Variants in TEX11 observed in about 807,000 individuals in gnomAD.
TEX11 encodes the protein testis-expressed protein 11.
Under a neutral mutation model 84.4 loss-of-function variants are expected in TEX11, and 7 were observed. The observed-to-expected ratio is 0.08, with a 90% CI of 0.05 to 0.16. TEX11 has a LOEUF of 0.16. Ranked by LOEUF, TEX11 falls within the 10% of genes least tolerant of loss-of-function variation. TEX11 has a pLI of 1.00. For synonymous variants in TEX11, 264 were observed against 222.8 expected (o/e 1.18, Z -1.64); for missense variants, 551 against 660.5 (o/e 0.83, Z 1.82).
chrX:70,844,556 A>T (rs946798781), intron 7 of TEX11, among the ~76,000 whole-genome samples: 2 of 109,223 alleles, frequency 1.8e-5, no homozygotes, highest in African/African-American at 6.6e-5. Flanking sequence ...GCACATGTAC[A>T]CATATGTAAC....
chrX:70,667,746 T>C (rs1232400658), intron 16 of TEX11, among the ~76,000 whole-genome samples: 3 of 110,391 alleles, frequency 2.7e-5, no homozygotes, highest in African/African-American at 9.9e-5. Context: ...GCCAAAAAGG[T>C]GAAACCCTGT....
At chrX:70,702,740 C>T (rs774757207) in intron 13 of TEX11, among the ~76,000 whole-genome samples, 93 of 111,684 alleles carry the variant, frequency 8.3e-4, no homozygotes, top group African/African-American at 2.9e-3. Flanking sequence ...ATTAATCTGT[C>T]GTCCATCTCT....
chrX:70,858,835 C>T (rs2091552274), intron 5 of TEX11, among the ~76,000 whole-genome samples: 1 of 111,006 alleles, frequency 9.0e-6, no homozygotes, highest in Non-Finnish European at 1.9e-5. Context: ...CTCAGGAGTT[C>T]GTGACCAGCC....
At chrX:70,716,632 A>G (rs1405649459) in intron 13 of TEX11, among the ~76,000 whole-genome samples, 1 of 112,436 alleles carries the variant, frequency 8.9e-6, no homozygotes. Flanking sequence ...TGCTAATACC[A>G]TTGGAAAAGC....
intron 13 of TEX11, among the ~76,000 whole-genome samples, chrX:70,692,006 C>T (rs941627102): frequency 4.5e-5 from 5 of 110,846 alleles, no homozygotes; most frequent in Non-Finnish European, 9.5e-5. Context: ...AAGAAACTTA[C>T]TTCAAAAAAA....
intron 28 of TEX11, among the ~76,000 whole-genome samples, chrX:70,532,495 G>A (rs2087900844): frequency 8.9e-6 from 1 of 112,378 alleles, no homozygotes; most frequent in African/African-American, 3.2e-5. Context: ...CAGCACTTTG[G>A]GAGGCCAAGG....
At chrX:70,828,904 T>G (rs940219482) in intron 8 of TEX11, among the ~76,000 whole-genome samples, 1 of 111,365 alleles carries the variant, frequency 9.0e-6, no homozygotes, top group African/African-American at 3.3e-5. Context: ...AGCCAACTTA[T>G]CAGCAGAAAC....
intron 20 of TEX11, among the ~76,000 whole-genome samples, chrX:70,615,603 T>G (rs1190983705): frequency 8.9e-6 from 1 of 111,945 alleles, no homozygotes; most frequent in Non-Finnish European, 1.9e-5. Flanking sequence ...GAAAGTGACA[T>G]GGGTAGAAAG....
intron 7 of TEX11, among the ~76,000 whole-genome samples, chrX:70,848,602 T>C (rs2091491385): frequency 9.0e-6 from 1 of 111,667 alleles, no homozygotes; most frequent in South Asian, 3.8e-4. Context: ...AAAGGAATAA[T>C]AGGGGGAGAG....
intron 22 of TEX11, among the ~76,000 whole-genome samples, chrX:70,607,977 T>G (rs2089214400): frequency 8.9e-6 from 1 of 112,413 alleles, no homozygotes; most frequent in Admixed American, 9.4e-5. Context: ...CTATTAAACC[T>G]CATAACACAG....
rs2091616535 is a variant in TEX11, at chrX:70,869,092, TAAAATAAAATAAAATAAAATAAAAC to T, written c.244+4106_244+4130del. ...TAAAATAAAATAAAATAAAATAAAA[TAAAATAAAATAAAATAAAATAAAAC>T]AAAATAAAATAAAGAAAAGAAAAAG... On this transcript the variant is annotated intron_variant, in intron 4 of 29. Coordinates refer to ENST00000374333, the MANE Select transcript of TEX11 (RefSeq NM_031276.3). Among the ~76,000 whole-genome samples, 4 of 96,872 alleles carry T rather than the reference TAAAATAAAATAAAATAAAATAAAAC, an allele frequency of 4.1e-5. 1 individual carries two copies. Among genetic ancestry groups the T allele is most frequent in the East Asian group, 3.3e-4 (1 of 3,003 alleles). The allele number at this position is 96,872 out of a possible 115,157, so 84.1% of individuals were successfully genotyped here. A position where few individuals can be genotyped will look rare whatever the true frequency, so the allele number is the denominator to read the frequency against.
At chrX:70,700,184 T>C (rs1283690954) in intron 13 of TEX11, among the ~76,000 whole-genome samples, 1 of 111,506 alleles carries the variant, frequency 9.0e-6, no homozygotes, top group Non-Finnish European at 1.9e-5. Context: ...GCTGTGATCA[T>C]AGCTCACTGC....
At chrX:70,619,348 A>G (rs1464352774) in intron 20 of TEX11, among the ~76,000 whole-genome samples, 2 of 111,738 alleles carry the variant, frequency 1.8e-5, no homozygotes, top group South Asian at 3.8e-4. Flanking sequence ...CTTAATGGTC[A>G]AGATAGTCCA....
chrX:70,691,528 G>A (rs988751455), intron 13 of TEX11, among the ~76,000 whole-genome samples: 10 of 111,224 alleles, frequency 9.0e-5, no homozygotes, highest in Admixed American at 9.6e-5. Context: ...GAATAAACGC[G>A]GAGGACACTA....
At chrX:70,744,785 A>G (rs1037419152) in intron 9 of TEX11, among the ~76,000 whole-genome samples, 1 of 109,987 alleles carries the variant, frequency 9.1e-6, no homozygotes, top group Non-Finnish European at 1.9e-5. Context: ...ATCTTGACTC[A>G]TTGCAACCTC....
At chrX:70,515,090 CACACACAG>C in the TEX11 span, among the ~76,000 whole-genome samples, 14,682 of 107,014 alleles carry the variant, frequency 0.14, 2,006 homozygotes, top group African/African-American at 0.45. Flanking sequence ...CACACACACA[CACACACAG>C]AAAGAAGGAC....
chrX:70,620,119 C>T (rs776727797), intron 20 of TEX11, among the ~76,000 whole-genome samples: 4 of 111,271 alleles, frequency 3.6e-5, no homozygotes, highest in East Asian at 5.6e-4. Flanking sequence ...CCACAATGCC[C>T]GGCCATGTGC....
intron 11 of TEX11, among the ~76,000 whole-genome samples, chrX:70,740,368 A>T (rs1470208882): frequency 9.0e-6 from 1 of 111,087 alleles, no homozygotes; most frequent in Non-Finnish European, 1.9e-5. Context: ...GACCTCTTTT[A>T]TAAGGGCAGT....
chrX:70,864,556 T>C (rs1197633919), intron 4 of TEX11, among the ~76,000 whole-genome samples: 1 of 106,181 alleles, frequency 9.4e-6, no homozygotes, highest in Non-Finnish European at 1.9e-5. Context: ...GCGAATACAG[T>C]GAAACCCTTT....
Sources: allele counts gnomAD v4.1 joint callset (sites outside exome capture counted in the v4.1 genomes callset), GRCh38; gene constraint gnomAD v4.1.1; transcripts MANE v1.5; gene names NCBI Gene and HGNC (gene_info 2026-07-23, HGNC 2026-07-21).